The following EGR4 variants were observed in gnomAD, a reference collection of about 807,000 sequenced individuals.
The protein encoded by EGR4 is early growth response protein 4.
EGR4 carries 22 observed loss-of-function variants against 25.4 expected under a neutral mutation model. The observed-to-expected ratio is 0.87, with a 90% CI of 0.62 to 1.24. EGR4 has a LOEUF of 1.24. EGR4 is among the 50% of genes most tolerant of loss of function. The pLI, the probability that EGR4 is intolerant of heterozygous loss-of-function variation, is 0.00. For missense variants in EGR4, 742 were observed against 702.9 expected, an observed-to-expected ratio of 1.06 and a Z score of -0.63; for synonymous variants, 375 against 320.1, an observed-to-expected ratio of 1.17 and a Z score of -1.83.
chr2:73,292,136 T>C lies in EGR4; in HGVS notation c.782A>G (p.Tyr261Cys), dbSNP rs771942276. 3.8e-6 allele frequency: 6 copies of C among 1,595,230 alleles called. No individual in the cohort carries two copies. Among genetic ancestry groups the C allele is most frequent in the Non-Finnish European group, 5.1e-6 (6 of 1,170,758 alleles). ...GAAAGCGTCATAGGCCCCGCTGGGA[T>C]AGAGTCTGTTGGCTGGGACGGCCGG... ...ELPAVPANRLYPSGAYDAFPL... is the reference protein window; with the variant it reads ...ELPAVPANRLCPSGAYDAFPL... The change falls in exon 2 of 2, where the codon TAT becomes TGT. Residue 261 changes from tyrosine to cysteine, a missense_variant. By Grantham distance (194) the Tyr-to-Cys change is radical. Transcript: ENST00000436467.
In EGR4 at chr2:73,293,347, G is replaced by A. The variant is rs1689150026; in HGVS notation, c.-30C>T. Reference sequence around the variant, plus strand: ...CGGCGCCGGCTGTGGGGCGCCCGGGGCCTCGCCCGCTGGGCTTGGGGGCGC... The same window carrying A: ...CGGCGCCGGCTGTGGGGCGCCCGGGACCTCGCCCGCTGGGCTTGGGGGCGC... On this transcript the variant is annotated 5_prime_UTR_variant, in exon 1 of 2. Coordinates refer to ENST00000436467, the MANE Select transcript of EGR4 (RefSeq NM_001965.4). 1.3e-6 allele frequency: 2 copies of A among 1,542,848 alleles called. No individual in the cohort carries two copies. The highest frequency in any genetic ancestry group is 1.2e-5 in the South Asian group (1 of 82,496).
chr2:73,293,279 G>A lies in EGR4; in HGVS notation c.39C>T (p.Leu13=). The change falls in exon 1 of 2, where the codon CTC becomes CTT. Residue 13 remains leucine, a synonymous_variant. Coordinates refer to ENST00000436467, the MANE Select transcript of EGR4 (RefSeq NM_001965.4). The part of the protein sequence containing the change: ...HLSEFSEPDA[L]LVKSTEGCCA... ...AACAGCCTTCAGTGGACTTGACGAGGAGCGCGTCGGGTTCGGAAAACTCGC... is the reference window on the plus strand; with the variant it reads ...AACAGCCTTCAGTGGACTTGACGAGAAGCGCGTCGGGTTCGGAAAACTCGC... 6.3e-7 allele frequency: 1 copy of A among 1,589,982 alleles called. No individual in the cohort carries two copies. The highest frequency in any genetic ancestry group is 8.5e-7 in the Non-Finnish European group (1 of 1,170,568).
rs2103942887 is a variant in EGR4 at position 73,293,246 on chromosome 2, T to C, written c.72A>G (p.Glu24=). The part of the protein sequence containing the change: ...LVKSTEGCCA[E]PSAELPRLPA... The stretch of plus-strand genomic sequence containing the variant: ...GCAGCCGGGGCAATTCAGCGCTGGG[T>C]TCGGCGCAACAGCCTTCAGTGGACT... Residue 24 remains glutamate (E), a synonymous_variant, in exon 1 of 2, where the codon GAA becomes GAG. Coordinates refer to ENST00000436467, the MANE Select transcript of EGR4 (RefSeq NM_001965.4). The C allele has an allele frequency of 1.3e-6, 2 of 1,576,386 alleles. No homozygotes were observed. Among genetic ancestry groups the C allele is most frequent in the East Asian group, 2.3e-5 (1 of 42,784 alleles).
Position 73,291,909 on chromosome 2 carries a change from C to T in EGR4, c.1009G>A (p.Gly337Ser). 6.3e-7 allele frequency: 1 copy of T among 1,575,676 alleles called. No individual in the cohort carries two copies. The highest frequency in any genetic ancestry group is 8.6e-7 in the Non-Finnish European group (1 of 1,162,260). ...GGCGGCACGGGTGGTGCAGCCACGC[C>T]ACTGCTTCCAGGGATGTCCGCCACC... is the stretch of plus-strand genomic sequence containing the variant. ...PLVADIPGSS[G>S]VAAPPVPPPP... Residue 337 changes from glycine to serine, a missense_variant, in exon 2 of 2, where the codon GGC (glycine) becomes AGC (serine). Transcript: ENST00000436467.
Position 73,292,191 on chromosome 2 carries a change from A to C in EGR4, c.727T>G (p.Leu243Val). The C allele has an allele frequency of 1.3e-6, 2 of 1,591,232 alleles. No individual in the cohort carries two copies. The highest frequency in any genetic ancestry group is 1.7e-6 in the Non-Finnish European group (2 of 1,168,830). Residue 243 changes from leucine to valine, a missense_variant, in exon 2 of 2, where the codon TTG becomes GTG. Leu to Val is a conservative substitution (Grantham distance 32, BLOSUM62 1). Coordinates refer to ENST00000436467, the MANE Select transcript of EGR4 (RefSeq NM_001965.4). Reference sequence around the variant, plus strand: ...TCCGCAGGGCAGCTGATGGACAGCAAGTCCTCAATCTTGGTCCCTATTACG... The same window carrying C: ...TCCGCAGGGCAGCTGATGGACAGCACGTCCTCAATCTTGGTCCCTATTACG... ...FPVIGTKIED[L>V]LSISCPAELP...
Position 73,292,572 on chromosome 2 carries a change from CG to C in EGR4, c.345del (p.Gly116ValfsTer120). The C allele has an allele frequency of 2.0e-6, 3 of 1,505,448 alleles. No individual in the cohort carries two copies. The highest frequency in any genetic ancestry group is 2.3e-5 in the Admixed American group (1 of 43,206). The allele number at this position is 1,505,448 out of a possible 1,614,324, so 93.3% of individuals were successfully genotyped here. A position where few individuals can be genotyped will look rare whatever the true frequency, so the allele number is the denominator to read the frequency against. ...MSGILGLAPF[P>X]GPEAAASRSP... The stretch of plus-strand genomic sequence containing the variant: ...GATCTGGACGCTGCTGCCTCTGGAC[CG>C]GGGAAGGGTGCCAGGCCTAAGATGC... On this transcript the variant is annotated frameshift_variant, in exon 2 of 2. Transcript: ENST00000436467. LOFTEE classifies it high-confidence loss of function.
Position 73,291,969 on chromosome 2 carries a change from G to A in EGR4, c.949C>T (p.Arg317Cys). 6.3e-7 allele frequency: 1 copy of A among 1,597,450 alleles called. No homozygotes were observed. The highest frequency in any genetic ancestry group is 8.5e-7 in the Non-Finnish European group (1 of 1,173,396). ...TQPQLSPLGL[R>C]SAAAADFPKP... The stretch of plus-strand genomic sequence containing the variant: ...GGGAAGTCCGCCGCGGCGGCGCTGC[G>A]AAGGCCCAGCGGGGAAAGCTGAGGC... Residue 317 changes from arginine (R) to cysteine (C), a missense_variant, in exon 2 of 2, where the codon CGC becomes TGC. By Grantham distance (180) the Arg-to-Cys change is radical. Transcript: ENST00000436467.
chr2:73,292,462 G>A lies in EGR4; in HGVS notation c.456C>T (p.Ala152=), dbSNP rs778601766. Residue 152 remains alanine, a synonymous_variant, in exon 2 of 2, where the codon GCC becomes GCT. Coordinates refer to ENST00000436467, the MANE Select transcript of EGR4 (RefSeq NM_001965.4). ...PDLYSPDLGA[A]PFPEAFWEAS... is the part of the protein sequence containing the mutation. Reference sequence around the variant, plus strand: ...CCTCCCAGAACGCCTCTGGGAAAGGGGCAGCGCCCAGATCCGGGGAGTAAA... The same window carrying A: ...CCTCCCAGAACGCCTCTGGGAAAGGAGCAGCGCCCAGATCCGGGGAGTAAA... 6.6e-7 allele frequency: 1 copy of A among 1,508,174 alleles called. No homozygotes were observed. The highest frequency in any genetic ancestry group is 2.4e-5 in the Admixed American group (1 of 41,262). 93.4% of individuals were successfully genotyped at this position (1,508,174 alleles called of 1,614,324 possible).
At chr2:73,292,806 C>G in intron 1 of EGR4, 25 bp from the exon 2 acceptor site, 1 of 1,416,374 alleles carries the variant, frequency 7.1e-7, no homozygotes, top group South Asian at 1.8e-5. Context: ...GGAATCAGCT[C>G]TGGGCACATC....
In EGR4 at chr2:73,293,307, A is replaced by G. The variant is rs555733817; in HGVS notation, c.11T>C (p.Leu4Pro). 1.9e-6 allele frequency: 3 copies of G among 1,586,236 alleles called. No homozygotes were observed. In the East Asian group the frequency reaches 6.9e-5, roughly 37 times the overall value. MLHLSEFSEPDALL... is the reference protein window; with the variant it reads MLHPSEFSEPDALL... The stretch of plus-strand genomic sequence containing the variant: ...CGCGTCGGGTTCGGAAAACTCGCTA[A>G]GGTGGAGCATGGCGCGGCGCCGGCT... Residue 4 changes from leucine to proline, a missense_variant, in exon 1 of 2, where the codon CTT becomes CCT. Transcript: ENST00000436467.
In EGR4 at chr2:73,293,202, G is replaced by A. The variant is rs1363819327; in HGVS notation, c.116C>T (p.Ala39Val). The part of the protein sequence containing the change: ...LPRLPARDAP[A>V]ATGYPGAGDF... ...CTTACCTCCAGGGTAGCCGGTGGCC[G>A]CGGGAGCGTCCCTGGCAGGCAGCCG... Residue 39 changes from alanine (A) to valine (V), a missense_variant, in exon 1 of 2, where the codon GCG (alanine) becomes GTG (valine). Physicochemically the swap from Ala to Val is moderately conservative, Grantham distance 64. Transcript: ENST00000436467. 18 of 1,546,454 alleles carry A rather than the reference G, an allele frequency of 1.2e-5. No individual in the cohort carries two copies. Among genetic ancestry groups the A allele is most frequent in the Admixed American group, 2.0e-5 (1 of 50,640 alleles).
Position 73,292,088 on chromosome 2 carries a change from C to T in EGR4, c.830G>A (p.Gly277Glu). ...CCCAGGGAGGCCCTCAGCCCCCTCC[C>T]CTAAGTCACCCGGGGCCAGCGGGAA... ...DAFPLAPGDL[G>E]EGAEGLPGLL... Residue 277 changes from glycine to glutamate, a missense_variant, in exon 2 of 2, where the codon GGG becomes GAG. Physicochemically the swap from Gly to Glu is moderately conservative, Grantham distance 98. Coordinates refer to ENST00000436467, the MANE Select transcript of EGR4 (RefSeq NM_001965.4). 1 of 1,610,088 alleles carries T rather than the reference C, an allele frequency of 6.2e-7. No individual in the cohort carries two copies. Among genetic ancestry groups the T allele is most frequent in the Non-Finnish European group, 8.5e-7 (1 of 1,178,520 alleles).
Position 73,291,149 on chromosome 2 carries a change from C to G in EGR4, c.*308G>C. ...TGTCTCTGGGGGTTATAGAGGAAGG[C>G]GTGGGGCGTGTGCCAGTTACAAAAG... On this transcript the variant is annotated 3_prime_UTR_variant, in exon 2 of 2. Coordinates refer to ENST00000436467, the MANE Select transcript of EGR4 (RefSeq NM_001965.4). 2.4e-6 allele frequency: 1 copy of G among 412,596 alleles called. No homozygotes were observed. Among genetic ancestry groups the G allele is most frequent in the Non-Finnish European group, 4.3e-6 (1 of 230,964 alleles). The allele number at this position is 412,596 out of a possible 1,614,324, so 25.6% of individuals were successfully genotyped here. A position where few individuals can be genotyped will look rare whatever the true frequency, so the allele number is the denominator to read the frequency against.
In EGR4 at chr2:73,292,259, C is replaced by T. The variant is rs2103940649; in HGVS notation, c.659G>A (p.Gly220Glu). The T allele has an allele frequency of 1.9e-6, 3 of 1,611,222 alleles. No individual in the cohort carries two copies. The East Asian group carries it at 6.7e-5, about 36-fold the overall frequency. ...LLSVGAPGNC[G>E]SQGDYQAAPE... ...GGCGGCCTGGTAGTCTCCCTGTGAC[C>T]CACAGTTCCCTGGGGCCCCCACAGA... Residue 220 changes from glycine to glutamate, a missense_variant, in exon 2 of 2, where the codon GGG becomes GAG. By Grantham distance (98) the Gly-to-Glu change is moderately conservative (BLOSUM62 -2). Coordinates refer to ENST00000436467, the MANE Select transcript of EGR4 (RefSeq NM_001965.4).
In EGR4 at chr2:73,292,238, G is replaced by T. The variant is rs138743995; in HGVS notation, c.680C>A (p.Ala227Asp). The T allele has an allele frequency of 2.5e-6, 4 of 1,607,656 alleles. No homozygotes were observed. The highest frequency in any genetic ancestry group is 3.4e-6 in the Non-Finnish European group (4 of 1,177,534). ...GNCGSQGDYQ[A>D]APEARFPVIG... ...TACGGGAAAACGAGCCTCCGGGGCG[G>T]CCTGGTAGTCTCCCTGTGACCCACA... Residue 227 changes from alanine (A) to aspartate (D), a missense_variant, in exon 2 of 2, where the codon GCC becomes GAC. Physicochemically the swap from Ala to Asp is moderately radical, Grantham distance 126. Transcript: ENST00000436467.
rs193016656 is a variant in EGR4, at chr2:73,291,357, G to A, written c.*100C>T. On this transcript the variant is annotated 3_prime_UTR_variant, in exon 2 of 2. Transcript: ENST00000436467. ...GAAGCGGGACCGGAGGCCGGCCCTC[G>A]GGCGTGCGAGGAGGAGTTGGAAGAA... is the stretch of plus-strand genomic sequence containing the variant. 375 of 1,484,802 alleles carry A rather than the reference G, an allele frequency of 2.5e-4. 3 individuals are homozygous for A. In the African/African-American group the frequency reaches 4.7e-3, roughly 19 times the overall value. The allele number at this position is 1,484,802 out of a possible 1,614,324, so 92.0% of individuals were successfully genotyped here.
At position 73,292,075 on chromosome 2, in the gene EGR4, C is replaced by A; in HGVS notation, c.843G>T (p.Glu281Asp). Reference sequence around the variant, plus strand: ...GAGGGGTCAGGAGCCCAGGGAGGCCCTCAGCCCCCTCCCCTAAGTCACCCG... The same window carrying A: ...GAGGGGTCAGGAGCCCAGGGAGGCCATCAGCCCCCTCCCCTAAGTCACCCG... ...LAPGDLGEGA[E>D]GLPGLLTPPS... Residue 281 changes from glutamate to aspartate, a missense_variant, in exon 2 of 2, where the codon GAG becomes GAT. Transcript: ENST00000436467. The A allele has an allele frequency of 6.2e-7, 1 of 1,610,928 alleles. No individual in the cohort carries two copies. Among genetic ancestry groups the A allele is most frequent in the Non-Finnish European group, 8.5e-7 (1 of 1,178,878 alleles).
chr2:73,292,858 T>C (rs1689139779), intron 1 of EGR4, 77 bp from the exon 2 acceptor site: 2 of 1,328,636 alleles, frequency 1.5e-6, no homozygotes, highest in Non-Finnish European at 9.7e-7. Flanking sequence ...TACAAAACTC[T>C]TGGTGCCCAC....
chr2:73,292,143 T>C lies in EGR4; in HGVS notation c.775A>G (p.Arg259Gly). 6.3e-7 allele frequency: 1 copy of C among 1,593,166 alleles called. No individual in the cohort carries two copies. The highest frequency in any genetic ancestry group is 8.5e-7 in the Non-Finnish European group (1 of 1,169,720). ...PAELPAVPANRLYPSGAYDAF... is the reference protein window; with the variant it reads ...PAELPAVPANGLYPSGAYDAF... ...TCATAGGCCCCGCTGGGATAGAGTC[T>C]GTTGGCTGGGACGGCCGGCAGTTCC... The change falls in exon 2 of 2, where the codon AGA becomes GGA. Residue 259 changes from arginine to glycine, a missense_variant. Physicochemically the swap from Arg to Gly is moderately radical, Grantham distance 125 (BLOSUM62 -2). Coordinates refer to ENST00000436467, the MANE Select transcript of EGR4 (RefSeq NM_001965.4).
Sources: gnomAD v4.1 joint callset for allele counts on GRCh38, gnomAD v4.1.1 for gene constraint, MANE v1.5 for transcripts, NCBI Gene and HGNC (gene_info 2026-07-23, HGNC 2026-07-21) for gene names.